Variants in ACVR1B observed in about 807,000 individuals in gnomAD.
The protein encoded by ACVR1B is activin receptor type-1B.
A neutral mutation model predicts 55.6 loss-of-function variants in ACVR1B; 15 were observed. The observed-to-expected ratio is 0.27, with a 90% confidence interval of 0.18 to 0.42. ACVR1B has a LOEUF of 0.42. Ranked by LOEUF, ACVR1B falls within the 10% of genes least tolerant of loss-of-function variation. The probability of loss-of-function intolerance (pLI) is 1.00; values close to 1 mark genes in which losing one functional copy is unlikely to be tolerated. For missense variants in ACVR1B, 359 were observed against 670.1 expected (o/e 0.54, Z 5.13); for synonymous variants, 247 against 254.6 (o/e 0.97, Z 0.28).
At chr12:51,984,388 A>G (rs576755773) in intron 5 of ACVR1B, among the ~76,000 whole-genome samples, 1 of 152,332 alleles carries the variant, frequency 6.6e-6, no homozygotes, top group African/African-American at 2.4e-5. Flanking sequence ...GGAACCCTAT[A>G]ATATCAATAT....
At chr12:51,956,569 C>G (rs1272661786) in intron 1 of ACVR1B, among the ~76,000 whole-genome samples, 2 of 152,084 alleles carry the variant, frequency 1.3e-5, no homozygotes, top group African/African-American at 2.4e-5. Context: ...ACCTCTCTAT[C>G]AGCTTCATTG....
At chr12:51,979,738 A>G (rs1388008740) in intron 3 of ACVR1B, among the ~76,000 whole-genome samples, 1 of 152,102 alleles carries the variant, frequency 6.6e-6, no homozygotes, top group Non-Finnish European at 1.5e-5. Context: ...GAAAGTTTCC[A>G]TGTGGGAAAT....
At chr12:51,985,630 T>C (rs992128353) in intron 6 of ACVR1B, among the ~76,000 whole-genome samples, 1 of 152,102 alleles carries the variant, frequency 6.6e-6, no homozygotes, top group African/African-American at 2.4e-5. Flanking sequence ...TAGAGCAGGA[T>C]TTAGAAGGAT....
intron 1 of ACVR1B, among the ~76,000 whole-genome samples, chr12:51,955,883 C>T (rs1435029836): frequency 2.0e-5 from 3 of 152,236 alleles, no homozygotes; most frequent in Non-Finnish European, 2.9e-5. Context: ...TTACATTTCT[C>T]TCACTCTGCA....
chr12:51,962,370 G>A (rs1391275018), intron 1 of ACVR1B, among the ~76,000 whole-genome samples: 1 of 151,324 alleles, frequency 6.6e-6, no homozygotes, highest in Non-Finnish European at 1.5e-5. Flanking sequence ...TGTTGTTGTT[G>A]TTGTTGTTTT....
rs571260821 is a variant in ACVR1B, at chr12:51,985,492, A to G, written c.1136+144A>G. The G allele has an allele frequency of 1.2e-4, 107 of 892,450 alleles. 1 individual carries two copies. In the South Asian group the frequency reaches 1.8e-3, roughly 15 times the overall value. 55.3% of individuals were successfully genotyped at this position (892,450 alleles called of 1,614,324 possible). ...CAGCCCACTGAAAGTTGAATTGAAC[A>G]TGCACTCCCCACAATGGAAAGTTGC... On this transcript the variant is annotated intron_variant, in intron 6 of 8. Coordinates refer to ENST00000257963, the MANE Select transcript of ACVR1B (RefSeq NM_004302.5).
chr12:51,976,225 G>T, intron 2 of ACVR1B, 102 bp from the exon 3 acceptor site: 1 of 1,397,772 alleles, frequency 7.2e-7, no homozygotes, highest in East Asian at 2.3e-5. Context: ...CACATCGACA[G>T]GGAAAGGGGT....
At chr12:51,955,925 GCT>G (rs2120424731) in intron 1 of ACVR1B, among the ~76,000 whole-genome samples, 1 of 152,314 alleles carries the variant, frequency 6.6e-6, no homozygotes, top group Admixed American at 6.5e-5. Flanking sequence ...TCAGATACCT[GCT>G]CTGAGTTTCT....
chr12:51,977,783 ATTTTTTT>A (rs748536892), intron 3 of ACVR1B, among the ~76,000 whole-genome samples: 9 of 103,314 alleles, frequency 8.7e-5, no homozygotes, highest in Non-Finnish European at 1.2e-4. Flanking sequence ...AAGCCTGGCA[ATTTTTTT>A]TTTTTTTTTT....
chr12:51,987,439 T>A, intron 7 of ACVR1B: 1 of 376,700 alleles, frequency 2.7e-6, no homozygotes, highest in Non-Finnish European at 4.8e-6. Flanking sequence ...CGTTGGCATT[T>A]GCAGCTGCTT....
At chr12:51,982,884 GTCTTC>G (rs1403671285) in intron 4 of ACVR1B, 2 of 1,362,970 alleles carry the variant, frequency 1.5e-6, no homozygotes, top group Non-Finnish European at 1.9e-6. Context: ...ATCAAATCAT[GTCTTC>G]TCTTTGAACT....
intron 4 of ACVR1B, chr12:51,982,692 G>A (rs1383025668): frequency 1.3e-6 from 2 of 1,529,300 alleles, no homozygotes; most frequent in Non-Finnish European, 1.7e-6. Context: ...ACAGCAGACT[G>A]CTCATTCCTC....
intron 1 of ACVR1B, among the ~76,000 whole-genome samples, chr12:51,965,349 G>A (rs1443492975): frequency 1.3e-5 from 2 of 152,036 alleles, no homozygotes; most frequent in African/African-American, 4.8e-5. Flanking sequence ...TAAAGATAAA[G>A]TATATTTAAA....
chr12:51,969,933 G>A (rs868752322), intron 1 of ACVR1B, among the ~76,000 whole-genome samples: 2 of 152,090 alleles, frequency 1.3e-5, no homozygotes, highest in Non-Finnish European at 2.9e-5. Flanking sequence ...AAATAAAGTA[G>A]GGATAAAGCA....
At chr12:51,982,940 C>T (rs1048606126) in intron 4 of ACVR1B, 21 of 874,470 alleles carry the variant, frequency 2.4e-5, no homozygotes, top group South Asian at 2.8e-5. Flanking sequence ...GGTTAGAGTG[C>T]GAGAAGCAGT....
intron 7 of ACVR1B, 26 bp downstream of exon 7, chr12:51,986,968 C>T (rs776179957): frequency 6.2e-7 from 1 of 1,614,214 alleles, no homozygotes; most frequent in South Asian, 1.1e-5. Context: ...GCCTTTGCTC[C>T]TACCTCCCAT....
intron 8 of ACVR1B, 103 bp downstream of exon 8, chr12:51,992,096 G>T (rs372942105): frequency 6.9e-7 from 1 of 1,459,778 alleles, no homozygotes; most frequent in Non-Finnish European, 9.5e-7. Flanking sequence ...CCCCCTGAGA[G>T]TGTCAGTTAT....
rs147728208 is a variant in ACVR1B at position 51,970,568 on chromosome 12, G to C, written c.92-4697G>C. Among the ~76,000 whole-genome samples, 72 of 152,314 alleles carry C rather than the reference G, an allele frequency of 4.7e-4. 1 individual carries two copies. In the East Asian group the frequency reaches 0.011, roughly 23 times the overall value. ...TGTCTCTGATCCTGCAATCACAGTT[G>C]TGTAGAGTTATGGTCTTTGTTCTAT... is the stretch of plus-strand genomic sequence containing the variant. On this transcript the variant is annotated intron_variant, in intron 1 of 8. Transcript: ENST00000257963.
intron 4 of ACVR1B, 132 bp from the exon 5 acceptor site, chr12:51,983,867 G>A (rs1942028427): frequency 1.2e-6 from 1 of 865,692 alleles, no homozygotes; most frequent in African/African-American, 1.7e-5. Flanking sequence ...GGGGCTTCAG[G>A]GGGCATGGAG....
Sources: allele counts gnomAD v4.1 joint callset (sites outside exome capture counted in the v4.1 genomes callset), GRCh38; gene constraint gnomAD v4.1.1; transcripts MANE v1.5; gene names NCBI Gene and HGNC (gene_info 2026-07-23, HGNC 2026-07-21).